ARF1: variants seen among roughly 807,000 people sequenced by gnomAD.
ARF1 encodes ADP-ribosylation factor 1.
Under a neutral mutation model 18.0 loss-of-function variants are expected in ARF1, and 1 was observed. The ratio of observed to expected loss-of-function variants is 0.06; its 90% CI spans 0.02 to 0.26. The LOEUF (loss-of-function observed/expected upper bound fraction) is 0.26, where lower values mean the gene tolerates loss of function less well. Among genes scored for constraint, ARF1 ranks in the 10% least tolerant of loss-of-function variants. ARF1 has a pLI of 1.00. For synonymous variants in ARF1, 112 were observed against 96.3 expected, an observed-to-expected ratio of 1.16 and a Z score of -0.95; for missense variants, 73 against 247.2, an observed-to-expected ratio of 0.30 and a Z score of 4.73.
In ARF1 at chr1:228,089,073, C is replaced by T. The variant is rs1415017331; in HGVS notation, c.-38+6308C>T. ...CCTGGGGAACAGGAGGGAGGCTACTCGCATCACAGCGGAGAATGCCTGTTG... is the reference window on the plus strand; with the variant it reads ...CCTGGGGAACAGGAGGGAGGCTACTTGCATCACAGCGGAGAATGCCTGTTG... On this transcript the variant is annotated intron_variant, in intron 1 of 4. Coordinates refer to ENST00000272102, the MANE Select transcript of ARF1 (RefSeq NM_001658.4). This position sits in a 1 kb window ranked among gnomAD's most constrained non-coding sequence, Gnocchi z 4.1. Among the ~76,000 whole-genome samples the T allele has an allele frequency of 2.0e-5, 3 of 152,104 alleles. No homozygotes were observed. The highest frequency in any genetic ancestry group is 2.9e-5 in the Non-Finnish European group (2 of 68,022).
intron 1 of ARF1, among the ~76,000 whole-genome samples, chr1:228,085,271 C>T (rs1049856281): frequency 6.6e-5 from 10 of 152,240 alleles, no homozygotes; most frequent in African/African-American, 2.4e-4. Context: ...TGCCTTCATC[C>T]TCAGGTTAAT....
intron 1 of ARF1, among the ~76,000 whole-genome samples, chr1:228,093,186 G>C (rs760333148): frequency 6.6e-6 from 1 of 152,082 alleles, no homozygotes; most frequent in Non-Finnish European, 1.5e-5. Flanking sequence ...GGATAATTCC[G>C]ATGAACCTGA....
At chr1:228,096,668 T>C (rs2032757791) in intron 1 of ARF1, among the ~76,000 whole-genome samples, 1 of 152,232 alleles carries the variant, frequency 6.6e-6, no homozygotes, top group African/African-American at 2.4e-5. Context: ...CGTGGCCCTG[T>C]GTGCTCTGGT....
chr1:228,093,350 T>C (rs897851853), intron 1 of ARF1, among the ~76,000 whole-genome samples: 3 of 152,090 alleles, frequency 2.0e-5, no homozygotes, highest in Non-Finnish European at 4.4e-5. Context: ...GGAAACTCTA[T>C]TGGGTCTCCA....
At chr1:228,096,934 G>T (rs2032765792) in intron 1 of ARF1, 144 bp from the exon 2 acceptor site, 1 of 685,214 alleles carries the variant, frequency 1.5e-6, no homozygotes, top group Non-Finnish European at 2.3e-6. Context: ...GATTTGGGGG[G>T]CATGGGAGGC....
rs1320770206 is a variant in ARF1 at position 228,098,130 on chromosome 1, C to T, written c.*117C>T. Reference sequence around the variant, plus strand: ...TCCGTGGTTTGGTCACCGTGTGCATCGCACCGTGCTGTAAATGTGGCAGAC... The same window carrying T: ...TCCGTGGTTTGGTCACCGTGTGCATTGCACCGTGCTGTAAATGTGGCAGAC... On this transcript the variant is annotated 3_prime_UTR_variant, in exon 5 of 5. Coordinates refer to ENST00000272102, the MANE Select transcript of ARF1 (RefSeq NM_001658.4). 7.2e-6 allele frequency: 9 copies of T among 1,258,718 alleles called. No homozygotes were observed. Among genetic ancestry groups the T allele is most frequent in the South Asian group, 5.0e-5 (3 of 59,656 alleles). The allele number at this position is 1,258,718 out of a possible 1,614,324, so 78.0% of individuals were successfully genotyped here.
chr1:228,092,856 A>AGCT (rs2032617143), intron 1 of ARF1, among the ~76,000 whole-genome samples: 3 of 152,170 alleles, frequency 2.0e-5, no homozygotes, highest in Admixed American at 2.0e-4. Context: ...GAACTCACAG[A>AGCT]GCTACATTTT....
At chr1:228,083,670 C>T (rs1294128250) in intron 1 of ARF1, among the ~76,000 whole-genome samples, 1 of 152,248 alleles carries the variant, frequency 6.6e-6, no homozygotes, top group Non-Finnish European at 1.5e-5. Context: ...TGCGGAACGA[C>T]CTGCTCGCAG....
At position 228,098,017 on chromosome 1, in the gene ARF1, C is replaced by G; in HGVS notation, c.*4C>G. 1 of 1,608,134 alleles carries G rather than the reference C, an allele frequency of 6.2e-7. No homozygotes were observed. Among genetic ancestry groups the G allele is most frequent in the Non-Finnish European group, 8.5e-7 (1 of 1,175,862 alleles). On this transcript the variant is annotated 3_prime_UTR_variant, in exon 5 of 5. Coordinates refer to ENST00000272102, the MANE Select transcript of ARF1 (RefSeq NM_001658.4). The stretch of plus-strand genomic sequence containing the variant: ...TCAGCTCCGGAACCAGAAGTGAACG[C>G]GACCCCCCTCCCTCTCACTCCTCTT...
intron 1 of ARF1, among the ~76,000 whole-genome samples, chr1:228,090,086 C>T (rs2032529821): frequency 6.6e-6 from 1 of 152,256 alleles, no homozygotes; most frequent in South Asian, 2.1e-4. Context: ...GAACGCACTG[C>T]TAGCAGATGG....
intron 1 of ARF1, among the ~76,000 whole-genome samples, chr1:228,084,410 A>G (rs1190039424): frequency 6.6e-6 from 1 of 152,192 alleles, no homozygotes; most frequent in Non-Finnish European, 1.5e-5. Context: ...AATCCAAATC[A>G]CTGCAGCAGT....
Position 228,082,875 on chromosome 1 carries a change from C to T in ARF1, c.-38+110C>T, listed in dbSNP as rs1293830097. On this transcript the variant is annotated intron_variant, in intron 1 of 4. Transcript: ENST00000272102. This position sits in a 1 kb window ranked among gnomAD's most constrained non-coding sequence, Gnocchi z 6.1. The stretch of plus-strand genomic sequence containing the variant: ...GGTTCGCGAAGGGCACGTCGACCCC[C>T]GCGGCGGCGGCGGCGACAGGGCCGG... The T allele has an allele frequency of 2.6e-5, 4 of 152,300 alleles. No individual in the cohort carries two copies. The highest frequency in any genetic ancestry group is 9.7e-5 in the African/African-American group (4 of 41,286). 9.4% of individuals were successfully genotyped at this position (152,300 alleles called of 1,614,324 possible).
chr1:228,094,456 A>G (rs2124852989), intron 1 of ARF1, among the ~76,000 whole-genome samples: 2 of 151,992 alleles, frequency 1.3e-5, no homozygotes, highest in South Asian at 4.2e-4. Context: ...GTTCCATTTC[A>G]TGCTTGGGTT....
At chr1:228,091,145 A>ACT (rs1252873590) in intron 1 of ARF1, 1 of 152,250 alleles carries the variant, frequency 6.6e-6, no homozygotes, top group Non-Finnish European at 1.5e-5. Context: ...ATAGTCCCAG[A>ACT]ACTCAGTCCA....
intron 1 of ARF1, 129 bp from the exon 2 acceptor site, chr1:228,096,949 C>G (rs1448446639): frequency 4.9e-6 from 4 of 819,540 alleles, no homozygotes; most frequent in Non-Finnish European, 7.3e-6. Context: ...GGAGGCAGGG[C>G]TCTTTCCCTG....
intron 1 of ARF1, among the ~76,000 whole-genome samples, chr1:228,086,150 G>A (rs989288592): frequency 6.6e-6 from 1 of 152,178 alleles, no homozygotes; most frequent in Non-Finnish European, 1.5e-5. Flanking sequence ...GTAGTTAACA[G>A]CATCTACAGC....
At chr1:228,094,655 T>G (rs1402968268) in intron 1 of ARF1, among the ~76,000 whole-genome samples, 1 of 152,114 alleles carries the variant, frequency 6.6e-6, no homozygotes, top group Non-Finnish European at 1.5e-5. Flanking sequence ...CTCTCCACGT[T>G]GCTGTGGGCT....
intron 1 of ARF1, chr1:228,096,445 T>C (rs1451226926): frequency 6.6e-6 from 1 of 152,304 alleles, no homozygotes; most frequent in African/African-American, 2.4e-5. Context: ...TTCAGTGTCC[T>C]CACAGAGGCG....
intron 1 of ARF1, among the ~76,000 whole-genome samples, chr1:228,092,064 C>T (rs533159097): frequency 1.3e-5 from 2 of 152,212 alleles, no homozygotes; most frequent in East Asian, 3.9e-4. Context: ...GTTCAGTTTC[C>T]TCAGATTAGA....
Sources: allele counts gnomAD v4.1 joint callset (sites outside exome capture counted in the v4.1 genomes callset), GRCh38; gene constraint gnomAD v4.1.1; non-coding constraint Gnocchi (gnomAD v3.1); transcripts MANE v1.5; gene names NCBI Gene and HGNC (gene_info 2026-07-23, HGNC 2026-07-21).